The following MARCHF8 variants were observed in gnomAD, a reference collection of about 807,000 sequenced individuals.
MARCHF8 encodes E3 ubiquitin-protein ligase MARCHF8.
MARCHF8 carries 40 observed loss-of-function variants against 51.6 expected under a neutral mutation model. The ratio of observed to expected loss-of-function variants is 0.77; its 90% confidence interval spans 0.60 to 1.01. MARCHF8 has a LOEUF of 1.01. Ranked by LOEUF, MARCHF8 falls within the 50% of genes least tolerant of loss-of-function variation. The pLI is 0.00. For synonymous variants in MARCHF8, 263 were observed against 280.3 expected, an observed-to-expected ratio of 0.94 and a Z score of 0.62; for missense variants, 685 against 708.6, an observed-to-expected ratio of 0.97 and a Z score of 0.38.
At chr10:45,497,616 TATCAACAGCAG>T (rs1836509275) in intron 2 of MARCHF8, among the ~76,000 whole-genome samples, 1 of 152,130 alleles carries the variant, frequency 6.6e-6, no homozygotes, top group African/African-American at 2.4e-5. Flanking sequence ...TGTTATTGTT[TATCAACAGCAG>T]AGAGAAACTA....
At chr10:45,550,681 C>A (rs539413710) in intron 1 of MARCHF8, among the ~76,000 whole-genome samples, 1 of 152,064 alleles carries the variant, frequency 6.6e-6, no homozygotes, top group Non-Finnish European at 1.5e-5. Context: ...CCTGTACATG[C>A]CATGTACAAC....
At chr10:45,523,343 T>C (rs544179209) in intron 2 of MARCHF8, among the ~76,000 whole-genome samples, 23 of 152,172 alleles carry the variant, frequency 1.5e-4, no homozygotes, top group East Asian at 5.8e-4. Flanking sequence ...CTTGGCAACA[T>C]AGCAAGATCT....
intron 1 of MARCHF8, among the ~76,000 whole-genome samples, chr10:45,568,715 CAA>C (rs71023130): frequency 0.068 from 5,164 of 75,534 alleles, 128 homozygotes; most frequent in African/African-American, 0.13. Flanking sequence ...GAGACTGTTT[CAA>C]AAAAAAAAAA....
chr10:45,568,255 C>G (rs1256392351), intron 1 of MARCHF8, among the ~76,000 whole-genome samples: 1 of 152,100 alleles, frequency 6.6e-6, no homozygotes, highest in South Asian at 2.1e-4. Context: ...ATCTGGATAC[C>G]CTTTATATCC....
In MARCHF8 at chr10:45,462,431, G is replaced by C. The variant is rs915810032; in HGVS notation, c.1088+720C>G. On this transcript the variant is annotated intron_variant, in intron 5 of 7. Transcript: ENST00000453424. ...ACAGCCAGTCCCCACACACCTTTTGGGGGTAGGTAGGGAGCAAGGGTTAAA... is the reference window on the plus strand; with the variant it reads ...ACAGCCAGTCCCCACACACCTTTTGCGGGTAGGTAGGGAGCAAGGGTTAAA... 3.9e-5 allele frequency among the ~76,000 whole-genome samples: 6 copies of C among 152,156 alleles called. 1 individual carries two copies. Among genetic ancestry groups the C allele is most frequent in the Admixed American group, 3.3e-4 (5 of 15,278 alleles).
At chr10:45,576,424 T>C (rs143432367) in intron 1 of MARCHF8, among the ~76,000 whole-genome samples, 1 of 152,250 alleles carries the variant, frequency 6.6e-6, no homozygotes, top group Non-Finnish European at 1.5e-5. Context: ...ATACAGCATA[T>C]CTTTGCACAG....
intron 1 of MARCHF8, among the ~76,000 whole-genome samples, chr10:45,573,697 C>T (rs1190205861): frequency 6.6e-6 from 1 of 152,200 alleles, no homozygotes; most frequent in Non-Finnish European, 1.5e-5. Context: ...GCCCGATCAC[C>T]ACAGAAGCCT....
At chr10:45,499,186 T>C (rs923129152) in intron 2 of MARCHF8, among the ~76,000 whole-genome samples, 3 of 152,196 alleles carry the variant, frequency 2.0e-5, no homozygotes, top group Non-Finnish European at 2.9e-5. Flanking sequence ...TTGATTTGCG[T>C]TTCCCTAATT....
intron 1 of MARCHF8, among the ~76,000 whole-genome samples, chr10:45,570,730 AT>A (rs1362082813): frequency 2.0e-5 from 3 of 152,234 alleles, no homozygotes; most frequent in African/African-American, 7.2e-5. Flanking sequence ...AATTATGTCA[AT>A]CTAACAAGAT....
chr10:45,463,466 A>G lies in MARCHF8; in HGVS notation c.773T>C (p.Leu258Pro). ...CGAGAGTGAGAACAGGTACTGGAGC[A>G]GTTGCCGGCTTCGGGACGTGGCCTC... ...DGEATSRSRQ[L>P]LQYLFSLSHG... Residue 258 changes from leucine (L) to proline (P), a missense_variant, in exon 5 of 8, where the codon CTG (leucine) becomes CCG (proline). Transcript: ENST00000453424. The G allele has an allele frequency of 1.3e-5, 20 of 1,550,648 alleles. No homozygotes were observed. The highest frequency in any genetic ancestry group is 1.7e-5 in the Non-Finnish European group (19 of 1,147,010).
chr10:45,507,713 A>G (rs1169356016), intron 2 of MARCHF8, among the ~76,000 whole-genome samples: 6 of 152,012 alleles, frequency 3.9e-5, no homozygotes, highest in African/African-American at 1.5e-4. Context: ...AAATATCCAA[A>G]CTACATCAGC....
chr10:45,458,595 GA>G, intron 7 of MARCHF8, 52 bp from the exon 8 acceptor site: 1 of 1,492,812 alleles, frequency 6.7e-7, no homozygotes, highest in Middle Eastern at 1.8e-4. Context: ...ATGAAGTAAA[GA>G]AAAACACAAC....
At chr10:45,561,598 T>C (rs2044310966) in intron 1 of MARCHF8, among the ~76,000 whole-genome samples, 1 of 150,676 alleles carries the variant, frequency 6.6e-6, no homozygotes, top group African/African-American at 2.4e-5. Context: ...AATAGCGAAT[T>C]ATGTAAATAA....
intron 2 of MARCHF8, among the ~76,000 whole-genome samples, chr10:45,492,935 G>C (rs903465494): frequency 6.6e-6 from 1 of 152,190 alleles, no homozygotes; most frequent in South Asian, 2.1e-4. Context: ...TTCAAAATCT[G>C]AAAGGTGACA....
In MARCHF8 at chr10:45,455,623, T is replaced by C. The variant is rs189675601; in HGVS notation, c.*2616A>G. 9 of 152,298 alleles carry C rather than the reference T, an allele frequency of 5.9e-5. No homozygotes were observed. Among genetic ancestry groups the C allele is most frequent in the Admixed American group, 5.2e-4 (8 of 15,292 alleles). 9.4% of individuals were successfully genotyped at this position (152,298 alleles called of 1,614,324 possible). On this transcript the variant is annotated 3_prime_UTR_variant, in exon 8 of 8. Transcript: ENST00000453424. ...CAAGTTTTCCAAGGCTACAGGAACA[T>C]TGGCAGAGCTGGTGGCCACACCAGA...
rs546293834 is a variant in MARCHF8 at position 45,574,635 on chromosome 10, G to A, written c.-79+19600C>T. ...GTTCTTACACAAGAGCTGGGACCGCGCCCTGTAGCCTTTTTATCCAAACAA... is the reference window on the plus strand; with the variant it reads ...GTTCTTACACAAGAGCTGGGACCGCACCCTGTAGCCTTTTTATCCAAACAA... On this transcript the variant is annotated intron_variant, in intron 1 of 6. Transcript: ENST00000319836. Among the ~76,000 whole-genome samples the A allele has an allele frequency of 3.1e-3, 469 of 152,178 alleles. 4 individuals carry two copies. The highest frequency in any genetic ancestry group is 6.6e-3 in the African/African-American group (275 of 41,504).
rs1188633926 is a variant in MARCHF8, at chr10:45,559,960, G to A, written c.-78-26671C>T. On this transcript the variant is annotated intron_variant, in intron 1 of 6. Transcript: ENST00000319836. ...CCAAGGGAGCGGGCCTCGGCAGTGA[G>A]ATTTGAACACAGAATCCTTCCTCCC... is the stretch of plus-strand genomic sequence containing the variant. 3.3e-5 allele frequency among the ~76,000 whole-genome samples: 5 copies of A among 152,276 alleles called. No individual in the cohort carries two copies. In the South Asian group the frequency reaches 6.2e-4, roughly 19 times the overall value.
intron 1 of MARCHF8, among the ~76,000 whole-genome samples, chr10:45,553,372 C>G (rs2133344389): frequency 6.6e-6 from 1 of 152,250 alleles, no homozygotes; most frequent in Non-Finnish European, 1.5e-5. Context: ...TGAGAGGACC[C>G]ATAATACTCA....
chr10:45,541,648 A>C (rs1199613017), intron 1 of MARCHF8, among the ~76,000 whole-genome samples: 3 of 152,172 alleles, frequency 2.0e-5, no homozygotes, highest in African/African-American at 4.8e-5. Flanking sequence ...AAGAAAGAAA[A>C]TGTAATAATT....
Sources: gnomAD v4.1 joint callset for allele counts (sites outside exome capture counted in the v4.1 genomes callset) on GRCh38, gnomAD v4.1.1 for gene constraint, MANE v1.5 for transcripts, NCBI Gene and HGNC (gene_info 2026-07-23, HGNC 2026-07-21) for gene names.